Variants in PTPRF observed in about 807,000 individuals in gnomAD.
PTPRF encodes the protein receptor-type tyrosine-protein phosphatase F.
Under a neutral mutation model 201.8 loss-of-function variants are expected in PTPRF, and 59 were observed. That is an observed-to-expected ratio of 0.29 (90% CI 0.24 to 0.36). PTPRF has a LOEUF of 0.36. Ranked by LOEUF, PTPRF falls within the 10% of genes least tolerant of loss-of-function variation. The pLI, the probability that PTPRF is intolerant of heterozygous loss-of-function variation, is 1.00. For missense variants in PTPRF, 2,132 were observed against 2,690.5 expected (o/e 0.79, Z 4.59); for synonymous variants, 1,088 against 1,089.7 (o/e 1.00, Z 0.03).
At chr1:43,621,296 T>G in intron 33 of PTPRF, 64 bp downstream of exon 33, 1 of 1,581,452 alleles carries the variant, frequency 6.3e-7, no homozygotes, top group Non-Finnish European at 8.6e-7. Context: ...CCCTAGGCTT[T>G]AGCAACAGTT....
In PTPRF at chr1:43,621,937, C is replaced by G; in HGVS notation, c.5658C>G (p.Asp1886Glu). 3 of 1,614,146 alleles carry G rather than the reference C, an allele frequency of 1.9e-6. No homozygotes were observed. The South Asian group carries it at 3.3e-5, about 18-fold the overall frequency. ...TQRPAMVQTE[D>E]QYQLCYRAAL... ...TGACCAGCCCCCTATCCTGGCAGGA[C>G]CAGTATCAGCTGTGCTACCGTGCGG... Residue 1886 changes from aspartate to glutamate, a missense_variant and splice_region_variant, in exon 34 of 34, where the codon GAC becomes GAG. Physicochemically the swap from Asp to Glu is conservative, Grantham distance 45 (BLOSUM62 2). Around this residue, in one of 6 missense-constraint regions of PTPRF, gnomAD observed 519 missense variants for 659.5 expected, o/e 0.79. Transcript: ENST00000359947.
chr1:43,607,090 AGCAGGAAG>A lies in PTPRF; in HGVS notation c.3857+132_3857+139del. On this transcript the variant is annotated intron_variant, in intron 21 of 33. Coordinates refer to ENST00000359947, the MANE Select transcript of PTPRF (RefSeq NM_002840.5). Reference sequence around the variant, plus strand: ...ATCCTGGACCCTGAGCCTCAGGCTCAGCAGGAAGGCAGGAAGGGCAGGAGCAGTGTGTG... The same window carrying A: ...ATCCTGGACCCTGAGCCTCAGGCTCAGCAGGAAGGGCAGGAGCAGTGTGTG... 7 of 1,352,332 alleles carry A rather than the reference AGCAGGAAG, an allele frequency of 5.2e-6. No homozygotes were observed. In the South Asian group the frequency reaches 8.0e-5, roughly 15 times the overall value. 83.8% of individuals were successfully genotyped at this position (1,352,332 alleles called of 1,614,324 possible). A position where few individuals can be genotyped will look rare whatever the true frequency, so the allele number is the denominator to read the frequency against.
At chr1:43,575,603 C>T (rs1646870325) in intron 6 of PTPRF, among the ~76,000 whole-genome samples, 1 of 152,072 alleles carries the variant, frequency 6.6e-6, no homozygotes, top group African/African-American at 2.4e-5. Flanking sequence ...CCATTGGCCC[C>T]AGCCAGTGGG....
rs1489613514 is a variant in PTPRF at position 43,604,977 on chromosome 1, T to A, written c.3112T>A (p.Tyr1038Asn). Residue 1038 changes from tyrosine to asparagine, a missense_variant, in exon 17 of 34, where the codon TAT becomes AAT. By Grantham distance (143) the Tyr-to-Asn change is moderately radical (BLOSUM62 -2). Around this residue, in one of 6 missense-constraint regions of PTPRF, gnomAD observed 818 missense variants for 915.3 expected, o/e 0.89. Transcript: ENST00000359947. ...VLLSWEVPDSYKSAVPFKILY... is the reference protein window; with the variant it reads ...VLLSWEVPDSNKSAVPFKILY... Reference sequence around the variant, plus strand: ...GCTCAGCTGGGAGGTTCCCGACTCCTATAAGTCAGCTGTGCCCTTTAAGGT... The same window carrying A: ...GCTCAGCTGGGAGGTTCCCGACTCCAATAAGTCAGCTGTGCCCTTTAAGGT... 1 of 1,614,162 alleles carries A rather than the reference T, an allele frequency of 6.2e-7. No homozygotes were observed. The highest frequency in any genetic ancestry group is 2.2e-5 in the East Asian group (1 of 44,886).
At chr1:43,568,347 G>A (rs756742028) in intron 5 of PTPRF, among the ~76,000 whole-genome samples, 1 of 151,962 alleles carries the variant, frequency 6.6e-6, no homozygotes, top group Non-Finnish European at 1.5e-5. Flanking sequence ...AGTGGGAAGG[G>A]CCTCTCACCA....
intron 12 of PTPRF, chr1:43,598,424 C>T (rs917213425): frequency 4.0e-5 from 20 of 503,196 alleles, no homozygotes; most frequent in Non-Finnish European, 7.0e-5. Flanking sequence ...GTTGTGCTGA[C>T]TAGGGGTGGT....
chr1:43,524,846 G>A (rs1159463737), upstream of PTPRF, among the ~76,000 whole-genome samples: 1 of 152,222 alleles, frequency 6.6e-6, no homozygotes, highest in Non-Finnish European at 1.5e-5. Context: ...GGGAAAATGG[G>A]CTGGCTGAAG....
chr1:43,545,313 T>G, intron 3 of PTPRF, 147 bp downstream of exon 3: 1 of 807,604 alleles, frequency 1.2e-6, no homozygotes, highest in Non-Finnish European at 1.9e-6. Context: ...GAGCCCCCAC[T>G]GCTTGGAGAG....
In PTPRF at chr1:43,546,577, C is replaced by CCAA. The variant is rs1387954048; in HGVS notation, c.91+1413_91+1415dup. ...TACTGTCCTTGCCCTCCCCGCCGAC[C>CCAA]CAACCCCAGGCACTTTCAGGGCCTT... On this transcript the variant is annotated intron_variant, in intron 3 of 33. Coordinates refer to ENST00000359947, the MANE Select transcript of PTPRF (RefSeq NM_002840.5). The surrounding 1 kb of genome is among the most constrained non-coding windows in gnomAD (Gnocchi z 4.2). 7.9e-5 allele frequency among the ~76,000 whole-genome samples: 12 copies of CCAA among 152,192 alleles called. No homozygotes were observed. Among genetic ancestry groups the CCAA allele is most frequent in the South Asian group, 4.1e-4 (2 of 4,824 alleles).
At chr1:43,566,381 G>A (rs1228052815) in intron 5 of PTPRF, among the ~76,000 whole-genome samples, 2 of 152,218 alleles carry the variant, frequency 1.3e-5, no homozygotes, top group African/African-American at 4.8e-5. Flanking sequence ...CCTAGTAAAT[G>A]CTTCATAAAT....
chr1:43,602,102 G>T lies in PTPRF; in HGVS notation c.2340+5G>T. ...CCAGAGGAGTCCGAGGACTATGTAA[G>T]TAACAGGTGTGCGAACGCGGACAAG... On this transcript the variant is annotated splice_donor_5th_base_variant and intron_variant, in intron 14 of 33. Transcript: ENST00000359947. The T allele has an allele frequency of 6.2e-7, 1 of 1,613,094 alleles. No homozygotes were observed.
Position 43,619,055 on chromosome 1 carries a change from C to G in PTPRF, c.4499C>G (p.Ser1500Cys). The G allele has an allele frequency of 3.7e-6, 6 of 1,613,388 alleles. No individual in the cohort carries two copies. The South Asian group carries it at 6.6e-5, about 18-fold the overall frequency. ...CCCCACTTTGTCCCCCAGAGTGGCT[C>G]CAGTGAGAAGCGCGAGCTGCGTCAG... ...VRTFALHKSGSSEKRELRQFQ... is the reference protein window; with the variant it reads ...VRTFALHKSGCSEKRELRQFQ... The change falls in exon 27 of 34, where the codon TCC (serine) becomes TGC (cysteine). Residue 1500 changes from serine to cysteine, a missense_variant. Physicochemically the swap from Ser to Cys is moderately radical, Grantham distance 112. Around this residue, in one of 6 missense-constraint regions of PTPRF, gnomAD observed 519 missense variants for 659.5 expected, o/e 0.79. Coordinates refer to ENST00000359947, the MANE Select transcript of PTPRF (RefSeq NM_002840.5).
At chr1:43,566,051 C>T (rs946445757) in intron 5 of PTPRF, among the ~76,000 whole-genome samples, 1 of 152,172 alleles carries the variant, frequency 6.6e-6, no homozygotes, top group Non-Finnish European at 1.5e-5. Flanking sequence ...TGTGGGGGAC[C>T]CTGGGGTTCG....
chr1:43,579,421 C>T (rs577914149), intron 7 of PTPRF: 161 of 354,164 alleles, frequency 4.5e-4, no homozygotes, highest in African/African-American at 3.0e-3. Context: ...GTGAGCCTAT[C>T]CTCTGGCCAG....
rs181430636 is a variant in PTPRF, at chr1:43,579,080, C to T, written c.679+160C>T. On this transcript the variant is annotated intron_variant, in intron 7 of 33. Coordinates refer to ENST00000359947, the MANE Select transcript of PTPRF (RefSeq NM_002840.5). ...TCTGCAGCAGCAGCAACAGCTCCCA[C>T]TGGGCAAGTTCCTGGCGTCTGCCAC... The T allele has an allele frequency of 3.6e-5, 27 of 755,014 alleles. No individual in the cohort carries two copies. In the African/African-American group the frequency reaches 4.0e-4, roughly 11 times the overall value. The allele number at this position is 755,014 out of a possible 1,614,324, so 46.8% of individuals were successfully genotyped here. A position where few individuals can be genotyped will look rare whatever the true frequency, so the allele number is the denominator to read the frequency against.
Position 43,620,091 on chromosome 1 carries a change from C to G in PTPRF, c.5112-4C>G. The stretch of plus-strand genomic sequence containing the variant: ...CAGCATGTCCAGTCTTATGTCCACC[C>G]CAGACAGCAGAAGGCCTACATAGCT... On this transcript the variant is annotated splice_region_variant and splice_polypyrimidine_tract_variant and intron_variant, in intron 29 of 33. Transcript: ENST00000359947. 6.2e-7 allele frequency: 1 copy of G among 1,613,980 alleles called. No individual in the cohort carries two copies. Among genetic ancestry groups the G allele is most frequent in the South Asian group, 1.1e-5 (1 of 91,070 alleles).
chr1:43,546,732 C>A lies in PTPRF; in HGVS notation c.91+1566C>A, dbSNP rs980546945. On this transcript the variant is annotated intron_variant, in intron 3 of 33. Coordinates refer to ENST00000359947, the MANE Select transcript of PTPRF (RefSeq NM_002840.5). This position sits in a 1 kb window ranked among gnomAD's most constrained non-coding sequence, Gnocchi z 4.2. ...CGCCCCAACCTGTACCCCTCACTCT[C>A]ATCCCCCAGCCTGCTGTCTTCCCGT... 6.6e-6 allele frequency among the ~76,000 whole-genome samples: 1 copy of A among 152,108 alleles called. No homozygotes were observed. Among genetic ancestry groups the A allele is most frequent in the Non-Finnish European group, 1.5e-5 (1 of 68,020 alleles).
At chr1:43,613,263 C>T (rs930468678) in intron 22 of PTPRF, 4 of 329,340 alleles carry the variant, frequency 1.2e-5, no homozygotes, top group South Asian at 2.8e-5. Flanking sequence ...CAGGCAGATG[C>T]GATGGAGCCC....
At chr1:43,550,265 CCCT>C (rs1315312391) in intron 3 of PTPRF, among the ~76,000 whole-genome samples, 3 of 152,206 alleles carry the variant, frequency 2.0e-5, no homozygotes, top group Non-Finnish European at 4.4e-5. Flanking sequence ...GGCTCTTGGG[CCCT>C]CCTCCTTCCA....
Sources: gnomAD v4.1 joint callset for allele counts (sites outside exome capture counted in the v4.1 genomes callset) on GRCh38, gnomAD v4.1.1 for gene constraint, gnomAD v4.1.1 regional missense constraint, Gnocchi (gnomAD v3.1) non-coding constraint, MANE v1.5 for transcripts, NCBI Gene and HGNC (gene_info 2026-07-23, HGNC 2026-07-21) for gene names.